The following DPP10 variants were observed in gnomAD, a reference collection of about 807,000 sequenced individuals.
DPP10 encodes the protein dipeptidyl peptidase like 10.
DPP10 carries 33 observed loss-of-function variants against 120.9 expected under a neutral mutation model. That is an observed-to-expected ratio of 0.27 (90% CI 0.21 to 0.37). DPP10 has a LOEUF of 0.37. DPP10 is among the 10% of genes least tolerant of loss of function. DPP10 has a pLI of 1.00. For synonymous variants in DPP10, 337 were observed against 326.1 expected, an observed-to-expected ratio of 1.03 and a Z score of -0.36; for missense variants, 816 against 942.8, an observed-to-expected ratio of 0.87 and a Z score of 1.76.
intron 1 of DPP10, among the ~76,000 whole-genome samples, chr2:115,106,237 C>CCA (rs1472764060): frequency 1.1e-4 from 16 of 152,304 alleles, no homozygotes. Flanking sequence ...CTAATAATTT[C>CCA]CACAGACAGT....
intron 1 of DPP10, among the ~76,000 whole-genome samples, chr2:114,739,019 A>C (rs1677755869): frequency 6.6e-6 from 1 of 152,146 alleles, no homozygotes; most frequent in African/African-American, 2.4e-5. Context: ...CCTTCAACTC[A>C]TCCCCTATTT....
intron 4 of DPP10, among the ~76,000 whole-genome samples, chr2:115,517,353 T>A (rs1206726106): frequency 6.6e-6 from 1 of 152,186 alleles, no homozygotes; most frequent in Non-Finnish European, 1.5e-5. Flanking sequence ...ATTTATATCC[T>A]TGGGTTTCTG....
At chr2:114,670,607 C>T (rs1181704511) in intron 1 of DPP10, among the ~76,000 whole-genome samples, 1 of 152,008 alleles carries the variant, frequency 6.6e-6, no homozygotes, top group Non-Finnish European at 1.5e-5. Context: ...GTGCAGCACA[C>T]CAGCATGACA....
At chr2:114,870,474 A>G (rs777876741) in intron 1 of DPP10, among the ~76,000 whole-genome samples, 11 of 152,246 alleles carry the variant, frequency 7.2e-5, no homozygotes, top group Non-Finnish European at 1.5e-4. Context: ...TTAGTAATAA[A>G]TTATTTTATC....
rs552291767 is a variant in DPP10 at position 114,776,519 on chromosome 2, C to T, written c.60+333681C>T. 7.2e-5 allele frequency among the ~76,000 whole-genome samples: 11 copies of T among 152,202 alleles called. No homozygotes were observed. In the South Asian group the frequency reaches 8.3e-4, roughly 11 times the overall value. On this transcript the variant is annotated intron_variant, in intron 1 of 25. Coordinates refer to ENST00000410059, the MANE Select transcript of DPP10 (RefSeq NM_020868.6). ...AGGCCATAAGCTCCTTAGGAGCTAG[C>T]GCTAGATCTGAGTGAACACTGCCAG...
chr2:114,581,822 G>A (rs562587362), intron 1 of DPP10, among the ~76,000 whole-genome samples: 1 of 152,160 alleles, frequency 6.6e-6, no homozygotes, highest in East Asian at 1.9e-4. Context: ...GCAGTTTTAG[G>A]TTTACAGAAA....
intron 5 of DPP10, among the ~76,000 whole-genome samples, chr2:115,672,101 T>C (rs1192312319): frequency 6.6e-6 from 1 of 152,170 alleles, no homozygotes; most frequent in African/African-American, 2.4e-5. Flanking sequence ...TGCATTTTCT[T>C]GAGCATAACT....
intron 1 of DPP10, among the ~76,000 whole-genome samples, chr2:114,834,687 ATATATAAGACATATCTACACACCTATG>A (rs1687514015): frequency 1.5e-5 from 2 of 129,412 alleles, no homozygotes; most frequent in Non-Finnish European, 3.3e-5. Flanking sequence ...ACACCTATGT[ATATATAAGACATATCTACACACCTATG>A]TATATATAAG....
chr2:115,282,919 CT>C (rs2060218828), intron 1 of DPP10, among the ~76,000 whole-genome samples: 1 of 151,928 alleles, frequency 6.6e-6, no homozygotes, highest in South Asian at 2.1e-4. Context: ...GTTTTTGTCC[CT>C]TTTACTGACT....
chr2:114,787,389 T>C (rs942460734), intron 1 of DPP10, among the ~76,000 whole-genome samples: 1 of 152,200 alleles, frequency 6.6e-6, no homozygotes, highest in Non-Finnish European at 1.5e-5. Context: ...TAATCCCTGG[T>C]TGGGAAACTC....
intron 5 of DPP10, among the ~76,000 whole-genome samples, chr2:115,651,171 T>C (rs1308428065): frequency 2.0e-5 from 3 of 151,982 alleles, no homozygotes; most frequent in Admixed American, 6.6e-5. Flanking sequence ...TCCAAAACTA[T>C]TTTTTTGAAA....
intron 1 of DPP10, among the ~76,000 whole-genome samples, chr2:114,736,374 G>A (rs908944442): frequency 3.9e-5 from 6 of 152,024 alleles, no homozygotes; most frequent in Middle Eastern, 3.4e-3. Context: ...ATGATTCCTC[G>A]CTTATTGTTA....
In DPP10 at chr2:114,677,721, C is replaced by T. The variant is rs528629957; in HGVS notation, c.60+234883C>T. ...GGAATATAGTGTTTGTTTCTCTACA[C>T]GCTGCAGATAACAATTTTGAATGCA... On this transcript the variant is annotated intron_variant, in intron 1 of 25. Transcript: ENST00000410059. Among the ~76,000 whole-genome samples, 93 of 152,196 alleles carry T rather than the reference C, an allele frequency of 6.1e-4. No homozygotes were observed. In the South Asian group the frequency reaches 9.7e-3, roughly 16 times the overall value.
rs544365153 is a variant in DPP10 at position 115,224,844 on chromosome 2, C to T, written c.61-84395C>T. On this transcript the variant is annotated intron_variant, in intron 1 of 25. Transcript: ENST00000410059. ...TGGGTGACAAATATTGAATGCTTAC[C>T]GCATGTTGAACATTAAGAATGATCA... 1.2e-4 allele frequency among the ~76,000 whole-genome samples: 18 copies of T among 152,040 alleles called. No individual in the cohort carries two copies. In the East Asian group the frequency reaches 2.9e-3, roughly 25 times the overall value.
intron 1 of DPP10, among the ~76,000 whole-genome samples, chr2:114,851,780 T>C (rs1486031114): frequency 1.3e-5 from 2 of 152,124 alleles, no homozygotes; most frequent in Non-Finnish European, 2.9e-5. Context: ...CACATCCTCA[T>C]CTCCAGAATA....
At chr2:114,940,857 C>T (rs769621947) in intron 1 of DPP10, among the ~76,000 whole-genome samples, 16 of 152,138 alleles carry the variant, frequency 1.1e-4, no homozygotes, top group Middle Eastern at 3.2e-3. Context: ...TACTCTCTGG[C>T]CTCTTAAAAA....
chr2:114,777,340 A>C (rs1221144028), intron 1 of DPP10, among the ~76,000 whole-genome samples: 2 of 152,120 alleles, frequency 1.3e-5, no homozygotes, highest in Non-Finnish European at 2.9e-5. Context: ...TGGATTTTGC[A>C]CTGTACAAAT....
chr2:115,079,372 C>CAAAAAAAAAAGAG (rs57960886), intron 1 of DPP10, among the ~76,000 whole-genome samples: 1 of 146,400 alleles, frequency 6.8e-6, no homozygotes, highest in African/African-American at 2.5e-5. Flanking sequence ...TCTCAAAAAA[C>CAAAAAAAAAAGAG]AAAAAAAAAG....
chr2:115,065,859 G>GA (rs141770104), intron 1 of DPP10, among the ~76,000 whole-genome samples: 2 of 151,758 alleles, frequency 1.3e-5, no homozygotes, highest in South Asian at 4.1e-4. Context: ...CATGCCAAAA[G>GA]AAAAAAAATC....
Sources: allele counts gnomAD v4.1 joint callset (sites outside exome capture counted in the v4.1 genomes callset), GRCh38; gene constraint gnomAD v4.1.1; transcripts MANE v1.5; gene names NCBI Gene and HGNC (gene_info 2026-07-23, HGNC 2026-07-21).